Variants in SIAE observed in about 807,000 individuals in gnomAD.
SIAE encodes the protein sialate O-acetylesterase.
In SIAE, 39 loss-of-function variants were observed where a neutral mutation model predicts 52.6. The observed-to-expected ratio is 0.74, with a 90% CI of 0.57 to 0.97. SIAE has a LOEUF of 0.97. Among genes scored for constraint, SIAE ranks in the 50% least tolerant of loss-of-function variants. The pLI, the probability that SIAE is intolerant of heterozygous loss-of-function variation, is 0.00. For synonymous variants in SIAE, 233 were observed against 241.4 expected, an observed-to-expected ratio of 0.97 and a Z score of 0.32; for missense variants, 592 against 662.1, an observed-to-expected ratio of 0.89 and a Z score of 1.16.
At chr11:124,669,662 C>T (rs1943322191) in intron 1 of SIAE, 141 bp from the exon 2 acceptor site, 1 of 775,464 alleles carries the variant, frequency 1.3e-6, no homozygotes, top group African/African-American at 1.7e-5. Context: ...CTAAAACTGG[C>T]TCTTCTTCCT....
At position 124,634,615 on chromosome 11, in the gene SIAE, T is replaced by C. The variant is rs773155090; in HGVS notation, c.*2336A>G. 1.1e-4 allele frequency: 16 copies of C among 152,152 alleles called. No homozygotes were observed. The highest frequency in any genetic ancestry group is 2.1e-4 in the South Asian group (1 of 4,830). 9.4% of individuals were successfully genotyped at this position (152,152 alleles called of 1,614,324 possible). A position where few individuals can be genotyped will look rare whatever the true frequency, so the allele number is the denominator to read the frequency against. ...TGTGGTATGATGTTTGCATGTGATA[T>C]TCATTACAGTATTATTTTAATAGTA... On this transcript the variant is annotated 3_prime_UTR_variant, in exon 10 of 10. Coordinates refer to ENST00000263593, the MANE Select transcript of SIAE (RefSeq NM_170601.5).
At chr11:124,660,928 G>A in intron 2 of SIAE, 125 bp from the exon 3 acceptor site, 1 of 1,096,536 alleles carries the variant, frequency 9.1e-7, no homozygotes, top group South Asian at 1.3e-5. Flanking sequence ...ATGAAGATTG[G>A]CCAAATTTCA....
intron 2 of SIAE, among the ~76,000 whole-genome samples, chr11:124,667,210 C>A (rs981252432): frequency 6.6e-6 from 1 of 152,154 alleles, no homozygotes; most frequent in South Asian, 2.1e-4. Flanking sequence ...ATTATTTGTA[C>A]ACAATGCTCC....
chr11:124,638,243 T>C (rs778825909), intron 9 of SIAE, among the ~76,000 whole-genome samples: 3 of 152,200 alleles, frequency 2.0e-5, no homozygotes, highest in Non-Finnish European at 2.9e-5. Context: ...CAAATAAAGC[T>C]GCAGGCCCTG....
At chr11:124,673,196 AC>A (rs1943396013) in intron 1 of SIAE, among the ~76,000 whole-genome samples, 1 of 151,892 alleles carries the variant, frequency 6.6e-6, no homozygotes, top group Non-Finnish European at 1.5e-5. Context: ...CCCCTAAGGA[AC>A]CCCGCCTGAA....
At chr11:124,639,235 TC>T (rs1331819737) in intron 8 of SIAE, among the ~76,000 whole-genome samples, 1 of 152,202 alleles carries the variant, frequency 6.6e-6, no homozygotes, top group East Asian at 1.9e-4. Context: ...TGTGTGGTGT[TC>T]CCTGGGGCTG....
intron 3 of SIAE, among the ~76,000 whole-genome samples, chr11:124,656,443 T>C (rs184189750): frequency 6.6e-6 from 1 of 152,070 alleles, no homozygotes; most frequent in Admixed American, 6.5e-5. Context: ...CCCAAGGAAT[T>C]AAAGAAGAGG....
chr11:124,675,293 AC>A (rs1943446440), upstream of SIAE: 3 of 1,614,076 alleles, frequency 1.9e-6, no homozygotes, highest in Non-Finnish European at 2.5e-6. Flanking sequence ...AACACCCACT[AC>A]CGAATTCCAC....
At chr11:124,671,086 T>C (rs1314476620) in intron 1 of SIAE, among the ~76,000 whole-genome samples, 1 of 152,136 alleles carries the variant, frequency 6.6e-6, no homozygotes, top group East Asian at 1.9e-4. Flanking sequence ...CTAGGGGAAA[T>C]ACCTTCCCAA....
chr11:124,674,709 A>G (rs1943436458), upstream of SIAE: 1 of 151,472 alleles, frequency 6.6e-6, no homozygotes, highest in African/African-American at 2.4e-5. Flanking sequence ...CGCACGCACA[A>G]CCCCATTCCA....
At position 124,635,861 on chromosome 11, in the gene SIAE, C is replaced by CTGTT. The variant is rs760886317; in HGVS notation, c.*1086_*1089dup. The CTGTT allele has an allele frequency of 6.6e-6, 1 of 152,142 alleles. No homozygotes were observed. The highest frequency in any genetic ancestry group is 1.5e-5 in the Non-Finnish European group (1 of 68,006). The allele number at this position is 152,142 out of a possible 1,614,324, so 9.4% of individuals were successfully genotyped here. ...TAACATAATTTTCAGACAATGTTAG[C>CTGTT]TGTTTTTAATCCATCAGTAAACTGC... On this transcript the variant is annotated 3_prime_UTR_variant, in exon 10 of 10. Coordinates refer to ENST00000263593, the MANE Select transcript of SIAE (RefSeq NM_170601.5).
Position 124,654,797 on chromosome 11 carries a change from G to A in SIAE, c.406-4C>T. 4 of 1,613,250 alleles carry A rather than the reference G, an allele frequency of 2.5e-6. No homozygotes were observed. Among genetic ancestry groups the A allele is most frequent in the Non-Finnish European group, 3.4e-6 (4 of 1,180,028 alleles). On this transcript the variant is annotated splice_region_variant and splice_polypyrimidine_tract_variant and intron_variant, in intron 3 of 9. Transcript: ENST00000263593. ...ACTCCCTTGTAGCATTAAATATCTG[G>A]AAAAGAAATTGAAACGTCATTTAAC...
At chr11:124,658,453 T>G (rs907982035) in intron 3 of SIAE, among the ~76,000 whole-genome samples, 4 of 152,168 alleles carry the variant, frequency 2.6e-5, no homozygotes, top group South Asian at 2.1e-4. Flanking sequence ...TTTCTCTATT[T>G]GTAAAGTAGG....
chr11:124,673,255 T>C (rs1943397969), intron 1 of SIAE, among the ~76,000 whole-genome samples: 2 of 152,166 alleles, frequency 1.3e-5, no homozygotes, highest in South Asian at 4.1e-4. Flanking sequence ...CTGAAATGTT[T>C]TGGAAGATTC....
chr11:124,658,572 G>C (rs1263489301), intron 3 of SIAE, among the ~76,000 whole-genome samples: 1 of 152,180 alleles, frequency 6.6e-6, no homozygotes, highest in Non-Finnish European at 1.5e-5. Context: ...CCCTGACTTA[G>C]GAGGCGACAG....
upstream of SIAE, chr11:124,673,916 A>C: frequency 1.7e-6 from 1 of 592,984 alleles, no homozygotes; most frequent in Non-Finnish European, 3.0e-6. Context: ...CTAGAAAAAC[A>C]ACCGGAACCG....
intron 7 of SIAE, among the ~76,000 whole-genome samples, chr11:124,641,158 T>A (rs1376566780): frequency 2.0e-5 from 3 of 152,170 alleles, no homozygotes; most frequent in African/African-American, 4.8e-5. Flanking sequence ...CATAAACATA[T>A]AAAATAGTAT....
At position 124,647,402 on chromosome 11, in the gene SIAE, C is replaced by T; in HGVS notation, c.929G>A (p.Gly310Glu). Reference sequence around the variant, plus strand: ...AAATGGGAAGAAACGCTCCGTCTGCCCCTGGGAACCACGGTGGAAGGTTTC... The same window carrying T: ...AAATGGGAAGAAACGCTCCGTCTGCTCCTGGGAACCACGGTGGAAGGTTTC... ...WRETFHRGSQGQTERFFPFGL... is the reference protein window; with the variant it reads ...WRETFHRGSQEQTERFFPFGL... The change falls in exon 7 of 10, where the codon GGG (glycine) becomes GAG (glutamate). Residue 310 changes from glycine (G) to glutamate (E), a missense_variant. By Grantham distance (98) the Gly-to-Glu change is moderately conservative. Transcript: ENST00000263593. 6.2e-7 allele frequency: 1 copy of T among 1,614,190 alleles called. No homozygotes were observed.
chr11:124,640,568 A>C (rs974045978), intron 7 of SIAE, among the ~76,000 whole-genome samples: 1 of 152,164 alleles, frequency 6.6e-6, no homozygotes, highest in African/African-American at 2.4e-5. Flanking sequence ...TGTATACAAC[A>C]CAGGGCTAGG....
Sources: allele counts gnomAD v4.1 joint callset (sites outside exome capture counted in the v4.1 genomes callset), GRCh38; gene constraint gnomAD v4.1.1; transcripts MANE v1.5; gene names NCBI Gene and HGNC (gene_info 2026-07-23, HGNC 2026-07-21).